SSBP2: variants seen among roughly 807,000 people sequenced by gnomAD.
The protein encoded by SSBP2 is single-stranded DNA-binding protein 2.
A neutral mutation model predicts 61.8 loss-of-function variants in SSBP2; 17 were observed. The ratio of observed to expected loss-of-function variants is 0.28; its 90% confidence interval spans 0.19 to 0.41. The LOEUF is 0.41. SSBP2 is among the 10% of genes least tolerant of loss of function. The probability of loss-of-function intolerance (pLI) is 1.00; values close to 1 mark genes in which losing one functional copy is unlikely to be tolerated. For missense variants in SSBP2, 310 were observed against 458.7 expected, an observed-to-expected ratio of 0.68 and a Z score of 2.96; for synonymous variants, 139 against 141.3, an observed-to-expected ratio of 0.98 and a Z score of 0.12.
chr5:81,440,693 A>C, intron 13 of SSBP2, 57 bp from the exon 14 acceptor site: 33 of 1,243,206 alleles, frequency 2.7e-5, no homozygotes, highest in Non-Finnish European at 3.7e-5. Context: ...GGCTTATCTC[A>C]ATTTTACAAT....
intron 4 of SSBP2, among the ~76,000 whole-genome samples, chr5:81,529,195 A>G (rs1770199232): frequency 6.6e-6 from 1 of 152,114 alleles, no homozygotes; most frequent in African/African-American, 2.4e-5. Context: ...CAGAGTAGTA[A>G]AAACACAGCT....
In SSBP2 at chr5:81,533,445, G is replaced by A. The variant is rs141161534; in HGVS notation, c.283-19728C>T. Reference sequence around the variant, plus strand: ...AGGAAATGTAAGAAAAGAAAACACAGTCAACATCCCTCATAAATGTAGACA... The same window carrying A: ...AGGAAATGTAAGAAAAGAAAACACAATCAACATCCCTCATAAATGTAGACA... On this transcript the variant is annotated intron_variant, in intron 4 of 16. Coordinates refer to ENST00000320672, the MANE Select transcript of SSBP2 (RefSeq NM_012446.5). 3.6e-4 allele frequency among the ~76,000 whole-genome samples: 54 copies of A among 152,084 alleles called. No homozygotes were observed. In the East Asian group the frequency reaches 0.01, roughly 29 times the overall value.
chr5:81,663,303 T>C (rs778781085), intron 1 of SSBP2, among the ~76,000 whole-genome samples: 1 of 152,226 alleles, frequency 6.6e-6, no homozygotes, highest in African/African-American at 2.4e-5. Context: ...TCCGTATGTA[T>C]GTATGTATAT....
At chr5:81,467,840 T>C (rs1249348779) in intron 8 of SSBP2, among the ~76,000 whole-genome samples, 1 of 151,992 alleles carries the variant, frequency 6.6e-6, no homozygotes, top group African/African-American at 2.4e-5. Context: ...TGCTAGCTCT[T>C]TTTATTTTGC....
Position 81,489,231 on chromosome 5 carries a change from C to T in SSBP2, c.432+19G>A. On this transcript the variant is annotated intron_variant, in intron 6 of 16. Transcript: ENST00000320672. Reference sequence around the variant, plus strand: ...ATCTTTGATTCTTACAAAAAACTTACATAGCACATAAATCTTACCTGATTA... The same window carrying T: ...ATCTTTGATTCTTACAAAAAACTTATATAGCACATAAATCTTACCTGATTA... The T allele has an allele frequency of 6.3e-7, 1 of 1,597,340 alleles. No individual in the cohort carries two copies. Among genetic ancestry groups the T allele is most frequent in the African/African-American group, 1.3e-5 (1 of 74,422 alleles).
chr5:81,583,865 C>T (rs954523548), intron 4 of SSBP2, among the ~76,000 whole-genome samples: 8 of 152,168 alleles, frequency 5.3e-5, no homozygotes, highest in African/African-American at 1.7e-4. Context: ...ATTTTCTAGC[C>T]TATTTCAAAT....
At chr5:81,597,215 T>G (rs1297597745) in intron 4 of SSBP2, among the ~76,000 whole-genome samples, 2 of 152,182 alleles carry the variant, frequency 1.3e-5, no homozygotes, top group African/African-American at 4.8e-5. Flanking sequence ...GAACAGACCC[T>G]TCACAAAAGA....
chr5:81,698,586 C>A (rs181472626), intron 1 of SSBP2, among the ~76,000 whole-genome samples: 1 of 152,080 alleles, frequency 6.6e-6, no homozygotes. Flanking sequence ...CTGTGGTGGG[C>A]GGATTACTTG....
chr5:81,511,750 T>C (rs1768626870), intron 5 of SSBP2, among the ~76,000 whole-genome samples: 1 of 152,226 alleles, frequency 6.6e-6, no homozygotes, highest in South Asian at 2.1e-4. Context: ...ATTATAGTTA[T>C]TTATTTTTAA....
rs536702500 is a variant in SSBP2 at position 81,478,632 on chromosome 5, C to T, written c.433-4070G>A. On this transcript the variant is annotated intron_variant, in intron 6 of 16. Transcript: ENST00000320672. Reference sequence around the variant, plus strand: ...GATTACAGGCGTGAGCCACCACACCCGGCCTATTTTTATTTTTTTATACAG... The same window carrying T: ...GATTACAGGCGTGAGCCACCACACCTGGCCTATTTTTATTTTTTTATACAG... 3.9e-5 allele frequency among the ~76,000 whole-genome samples: 6 copies of T among 152,212 alleles called. No individual in the cohort carries two copies. The South Asian group carries it at 6.2e-4, about 16-fold the overall frequency.
intron 4 of SSBP2, among the ~76,000 whole-genome samples, chr5:81,537,352 TTGTC>T (rs1466117315): frequency 4.6e-5 from 7 of 152,150 alleles, no homozygotes; most frequent in Non-Finnish European, 1.0e-4. Context: ...TCATATGAAT[TTGTC>T]TGTTCTGCAA....
At chr5:81,686,880 AAAGAAAAGAAAAG>A (rs1752845266) in intron 1 of SSBP2, among the ~76,000 whole-genome samples, 1 of 63,756 alleles carries the variant, frequency 1.6e-5, no homozygotes, top group African/African-American at 1.2e-4. Flanking sequence ...AAAGAAAAGA[AAAGAAAAGAAAAG>A]AAAAGAAAAG....
At chr5:81,523,963 C>G (rs532728687) in intron 4 of SSBP2, among the ~76,000 whole-genome samples, 2 of 152,100 alleles carry the variant, frequency 1.3e-5, no homozygotes, top group Non-Finnish European at 2.9e-5. Context: ...CTACTTTCTC[C>G]TTTTTGACCT....
At chr5:81,672,376 CAAGAA>C (rs1259234715) in intron 1 of SSBP2, among the ~76,000 whole-genome samples, 1 of 151,912 alleles carries the variant, frequency 6.6e-6, no homozygotes, top group Non-Finnish European at 1.5e-5. Context: ...TTTTTAAATA[CAAGAA>C]AATAGTCCAT....
At chr5:81,742,770 G>A (rs1757114300) in intron 1 of SSBP2, among the ~76,000 whole-genome samples, 1 of 152,118 alleles carries the variant, frequency 6.6e-6, no homozygotes, top group Non-Finnish European at 1.5e-5. Context: ...CAGCTACTAG[G>A]GAGGCTGAGG....
intron 4 of SSBP2, among the ~76,000 whole-genome samples, chr5:81,520,745 T>C (rs1302233687): frequency 6.6e-6 from 1 of 152,124 alleles, no homozygotes; most frequent in Non-Finnish European, 1.5e-5. Context: ...TATCTTCATA[T>C]TGTCTCTAAT....
chr5:81,442,796 A>G, intron 12 of SSBP2, 73 bp from the exon 13 acceptor site: 1 of 795,718 alleles, frequency 1.3e-6, no homozygotes, highest in Non-Finnish European at 2.0e-6. Context: ...GTAATGATCA[A>G]AGATGGTTTG....
At chr5:81,512,310 G>T (rs139803730) in intron 5 of SSBP2, among the ~76,000 whole-genome samples, 312 of 152,162 alleles carry the variant, frequency 2.1e-3, no homozygotes, top group Non-Finnish European at 3.5e-3. Flanking sequence ...CCAATGCCTT[G>T]GTTTCTCTAT....
At chr5:81,429,580 A>C (rs933658450) in intron 15 of SSBP2, among the ~76,000 whole-genome samples, 3 of 152,170 alleles carry the variant, frequency 2.0e-5, no homozygotes, top group African/African-American at 4.8e-5. Context: ...GTAAAAAAAA[A>C]CTTCAGAGTT....
Sources: allele counts gnomAD v4.1 joint callset (sites outside exome capture counted in the v4.1 genomes callset), GRCh38; gene constraint gnomAD v4.1.1; transcripts MANE v1.5; gene names NCBI Gene and HGNC (gene_info 2026-07-23, HGNC 2026-07-21).